The following PUM2 variants were observed in gnomAD, a reference collection of about 807,000 sequenced individuals.
The protein encoded by PUM2 is pumilio homolog 2.
Under a neutral mutation model 124.5 loss-of-function variants are expected in PUM2, and 57 were observed. That is an observed-to-expected ratio of 0.46 (90% confidence interval 0.37 to 0.57). The LOEUF is 0.57. Ranked by LOEUF, PUM2 falls within the 20% of genes least tolerant of loss-of-function variation. PUM2 has a pLI of 0.00. For missense variants in PUM2, 1,065 were observed against 1,290.6 expected, an observed-to-expected ratio of 0.83 and a Z score of 2.68; for synonymous variants, 460 against 446.1, an observed-to-expected ratio of 1.03 and a Z score of -0.39.
chr2:20,340,710 T>A (rs1485800032), intron 1 of PUM2, among the ~76,000 whole-genome samples: 1 of 152,172 alleles, frequency 6.6e-6, no homozygotes, highest in African/African-American at 2.4e-5. Context: ...CACTCATACA[T>A]CACCATATGG....
chr2:20,346,545 GATCTT>G (rs1190485707), intron 1 of PUM2, among the ~76,000 whole-genome samples: 2 of 152,078 alleles, frequency 1.3e-5, no homozygotes, highest in Non-Finnish European at 2.9e-5. Context: ...TTCTCTCACT[GATCTT>G]AAGTTTTTCA....
At chr2:20,308,684 A>G in intron 5 of PUM2, 100 bp from the exon 6 acceptor site, 1 of 1,213,858 alleles carries the variant, frequency 8.2e-7, no homozygotes, top group African/African-American at 1.5e-5. Flanking sequence ...GTCATAAAAC[A>G]CAATGAATAA....
intron 13 of PUM2, among the ~76,000 whole-genome samples, chr2:20,273,627 T>C (rs1022481885): frequency 2.0e-5 from 3 of 152,194 alleles, no homozygotes; most frequent in African/African-American, 7.2e-5. Context: ...CAAAACATTA[T>C]TTCCTACTCA....
At chr2:20,278,540 C>T (rs775578245) in intron 13 of PUM2, 43 bp downstream of exon 13, 2 of 1,446,830 alleles carry the variant, frequency 1.4e-6, no homozygotes, top group African/African-American at 1.4e-5. Context: ...AACACACATA[C>T]ATGTATACAT....
intron 7 of PUM2, among the ~76,000 whole-genome samples, chr2:20,302,108 A>C (rs1314146452): frequency 6.6e-6 from 1 of 152,214 alleles, no homozygotes; most frequent in Non-Finnish European, 1.5e-5. Context: ...ACGTCTCACT[A>C]TGTTGCAGAG....
intron 7 of PUM2, among the ~76,000 whole-genome samples, chr2:20,307,774 A>G (rs529585998): frequency 2.0e-5 from 3 of 152,358 alleles, no homozygotes; most frequent in African/African-American, 7.2e-5. Flanking sequence ...CGAATTACAG[A>G]TTTTTATTTA....
intron 10 of PUM2, among the ~76,000 whole-genome samples, chr2:20,284,651 AC>A (rs1672319282): frequency 6.6e-6 from 1 of 152,240 alleles, no homozygotes; most frequent in Admixed American, 6.5e-5. Flanking sequence ...TTTTAAAAAC[AC>A]AGACTATACT....
In PUM2 at chr2:20,308,069, G is replaced by C; in HGVS notation, c.792C>G (p.Leu264=). ...CTGTTAGTGCATTAGTCCTCTGAAA[G>C]AGCTATTAGGGAAAATATTTAACAC... ...GLFDYNSQQQ[L]FQRTNALTVQ... is the part of the protein sequence containing the mutation. The change falls in exon 7 of 21, where the codon CTC becomes CTG. Residue 264 remains leucine (L), a splice_region_variant and synonymous_variant. Transcript: ENST00000361078. 6.2e-7 allele frequency: 1 copy of C among 1,607,670 alleles called. No homozygotes were observed. Among genetic ancestry groups the C allele is most frequent in the Non-Finnish European group, 8.5e-7 (1 of 1,175,040 alleles).
At chr2:20,271,189 C>T (rs1428753531) in intron 13 of PUM2, among the ~76,000 whole-genome samples, 1 of 151,806 alleles carries the variant, frequency 6.6e-6, no homozygotes, top group Non-Finnish European at 1.5e-5. Flanking sequence ...TCACATAATT[C>T]TAAAAAGGAG....
intron 3 of PUM2, among the ~76,000 whole-genome samples, chr2:20,316,574 T>C (rs1364730239): frequency 6.6e-6 from 1 of 151,958 alleles, no homozygotes; most frequent in Non-Finnish European, 1.5e-5. Context: ...ACTGGAAACA[T>C]TTTAAAATAT....
intron 7 of PUM2, among the ~76,000 whole-genome samples, chr2:20,302,310 C>T (rs529638551): frequency 2.0e-5 from 3 of 152,348 alleles, no homozygotes; most frequent in Non-Finnish European, 2.9e-5. Flanking sequence ...GCCACTTACA[C>T]TCCTGCCAAA....
intron 13 of PUM2, among the ~76,000 whole-genome samples, chr2:20,265,838 C>T (rs1309254700): frequency 1.3e-5 from 2 of 149,670 alleles, no homozygotes; most frequent in Admixed American, 6.7e-5. Flanking sequence ...CCCACTTACT[C>T]GTTACTATTT....
intron 7 of PUM2, among the ~76,000 whole-genome samples, chr2:20,303,347 A>C (rs902226619): frequency 6.6e-6 from 1 of 151,734 alleles, no homozygotes; most frequent in Admixed American, 6.6e-5. Context: ...CGAGGCTGCA[A>C]TTAGCCATAG....
At chr2:20,267,453 G>GT (rs1192847223) in intron 13 of PUM2, among the ~76,000 whole-genome samples, 8 of 152,162 alleles carry the variant, frequency 5.3e-5, no homozygotes, top group Admixed American at 5.2e-4. Flanking sequence ...GAAGGGTATA[G>GT]TTTTGCAATT....
chr2:20,255,407 A>G, intron 17 of PUM2, 66 bp from the exon 18 acceptor site: 2 of 1,472,732 alleles, frequency 1.4e-6, no homozygotes, highest in South Asian at 2.5e-5. Flanking sequence ...TATGAAGCAG[A>G]CTGGTTTGTT....
At chr2:20,348,377 A>G (rs932619636) in intron 1 of PUM2, among the ~76,000 whole-genome samples, 1 of 152,194 alleles carries the variant, frequency 6.6e-6, no homozygotes, top group African/African-American at 2.4e-5. Context: ...ATATGAAAAA[A>G]TACAAGTATT....
At chr2:20,273,488 G>A (rs1373939345) in intron 13 of PUM2, among the ~76,000 whole-genome samples, 1 of 152,102 alleles carries the variant, frequency 6.6e-6, no homozygotes, top group Non-Finnish European at 1.5e-5. Flanking sequence ...CAATGTCACT[G>A]ATAATGTTAT....
At chr2:20,285,962 A>G (rs145590685) in intron 10 of PUM2, among the ~76,000 whole-genome samples, 8 of 152,268 alleles carry the variant, frequency 5.3e-5, no homozygotes, top group African/African-American at 7.2e-5. Context: ...AGTCAAGCAG[A>G]TATCTGTAGG....
chr2:20,305,241 T>C (rs982632368), intron 7 of PUM2, among the ~76,000 whole-genome samples: 4 of 151,924 alleles, frequency 2.6e-5, no homozygotes, highest in Non-Finnish European at 4.4e-5. Flanking sequence ...TCCCAGCACT[T>C]TGGGAGGCTG....
Sources: gnomAD v4.1 joint callset for allele counts (sites outside exome capture counted in the v4.1 genomes callset) on GRCh38, gnomAD v4.1.1 for gene constraint, MANE v1.5 for transcripts, NCBI Gene and HGNC (gene_info 2026-07-23, HGNC 2026-07-21) for gene names.